Variants in NRG3 observed in about 807,000 individuals in gnomAD.
The protein encoded by NRG3 is pro-neuregulin-3, membrane-bound isoform.
In NRG3, 31 loss-of-function variants were observed where a neutral mutation model predicts 66.9. The observed-to-expected ratio is 0.46, with a 90% CI of 0.35 to 0.63. The LOEUF (loss-of-function observed/expected upper bound fraction) is 0.63. Ranked by LOEUF, NRG3 falls within the 20% of genes least tolerant of loss-of-function variation. NRG3 has a pLI of 0.00. For missense variants in NRG3, 910 were observed against 878.9 expected (o/e 1.04, Z -0.45); for synonymous variants, 393 against 359.4 (o/e 1.09, Z -1.06).
At chr10:82,622,646 C>T (rs1426734894) in intron 2 of NRG3, among the ~76,000 whole-genome samples, 1 of 152,170 alleles carries the variant, frequency 6.6e-6, no homozygotes, top group South Asian at 2.1e-4. Flanking sequence ...AGGATACTCT[C>T]ATGATGCTGG....
chr10:82,307,943 C>A (rs931113751), intron 1 of NRG3, among the ~76,000 whole-genome samples: 3 of 151,876 alleles, frequency 2.0e-5, no homozygotes, highest in African/African-American at 4.8e-5. Flanking sequence ...GAATTCTTAG[C>A]TAAACATTTG....
intron 1 of NRG3, among the ~76,000 whole-genome samples, chr10:81,951,759 A>G (rs1849375863): frequency 6.6e-6 from 1 of 152,234 alleles, no homozygotes; most frequent in Non-Finnish European, 1.5e-5. Flanking sequence ...CAGGTCAGCA[A>G]TCCCATTACT....
intron 2 of NRG3, among the ~76,000 whole-genome samples, chr10:82,552,583 A>T (rs1827957714): frequency 6.6e-6 from 1 of 152,148 alleles, no homozygotes; most frequent in Admixed American, 6.5e-5. Context: ...TGAAACACAA[A>T]ACATTTCAGT....
intron 1 of NRG3, among the ~76,000 whole-genome samples, chr10:82,004,873 T>C (rs745497705): frequency 1.3e-5 from 2 of 152,200 alleles, no homozygotes; most frequent in Non-Finnish European, 2.9e-5. Flanking sequence ...GCTTACAACT[T>C]GATCTTGGAC....
intron 2 of NRG3, among the ~76,000 whole-genome samples, chr10:82,509,744 G>C (rs1162558398): frequency 6.6e-6 from 1 of 152,090 alleles, no homozygotes; most frequent in Non-Finnish European, 1.5e-5. Flanking sequence ...TTGAATTCCT[G>C]ACTGCATAAT....
intron 2 of NRG3, among the ~76,000 whole-genome samples, chr10:82,437,691 G>A (rs2090216053): frequency 6.6e-6 from 1 of 152,128 alleles, no homozygotes; most frequent in Admixed American, 6.5e-5. Context: ...TTTGGTCTTT[G>A]AGGTTGCTGA....
intron 2 of NRG3, among the ~76,000 whole-genome samples, chr10:82,502,041 GT>G (rs1355459475): frequency 6.6e-6 from 1 of 152,158 alleles, no homozygotes. Flanking sequence ...GAGATCCAGT[GT>G]CTTAAGTCAT....
At chr10:82,504,913 A>T (rs1844533376) in intron 2 of NRG3, among the ~76,000 whole-genome samples, 1 of 151,936 alleles carries the variant, frequency 6.6e-6, no homozygotes, top group South Asian at 2.1e-4. Context: ...CATTCCCATT[A>T]GATTAATGTT....
chr10:82,561,576 C>A (rs1468846082), intron 2 of NRG3, among the ~76,000 whole-genome samples: 4 of 152,156 alleles, frequency 2.6e-5, no homozygotes, highest in Non-Finnish European at 5.9e-5. Flanking sequence ...TCGCTTGAGC[C>A]TGTGAGGCAG....
intron 3 of NRG3, among the ~76,000 whole-genome samples, chr10:82,823,033 T>C (rs1029085759): frequency 1.3e-5 from 2 of 152,186 alleles, no homozygotes; most frequent in African/African-American, 2.4e-5. Flanking sequence ...TATTCCCCTT[T>C]TACTTTTCCT....
chr10:81,933,130 A>G (rs1309515291), intron 1 of NRG3, among the ~76,000 whole-genome samples: 5 of 151,778 alleles, frequency 3.3e-5, no homozygotes, highest in African/African-American at 1.2e-4. Context: ...AAAAAAGAAA[A>G]GAAAAAAAGA....
chr10:82,772,704 C>CTTTTT (rs745609399), intron 3 of NRG3, among the ~76,000 whole-genome samples: 32 of 111,672 alleles, frequency 2.9e-4, no homozygotes, highest in East Asian at 5.1e-4. Context: ...GCTTCCATAT[C>CTTTTT]TTTTTTTTTT....
chr10:82,190,456 T>C (rs1380439008), intron 1 of NRG3, among the ~76,000 whole-genome samples: 1 of 152,220 alleles, frequency 6.6e-6, no homozygotes, highest in Non-Finnish European at 1.5e-5. Flanking sequence ...AAAGTTGATA[T>C]CAATTCTATT....
Position 81,929,180 on chromosome 10 carries a change from C to T in NRG3, c.823+53017C>T, listed in dbSNP as rs145206241. Among the ~76,000 whole-genome samples the T allele has an allele frequency of 3.1e-3, 464 of 152,078 alleles. 3 individuals are homozygous for T. The highest frequency in any genetic ancestry group is 0.01 in the African/African-American group (433 of 41,494). On this transcript the variant is annotated intron_variant, in intron 1 of 8. Coordinates refer to ENST00000372141, the MANE Select transcript of NRG3 (RefSeq NM_001010848.4). ...TCAAGCAGAGTGGCCTACGTCATGA[C>T]ATGGAAAATTTAGTCAATTATGGTG...
At chr10:81,952,302 GTTTAGTTCTTCC>G (rs1849442810) in intron 1 of NRG3, among the ~76,000 whole-genome samples, 1 of 152,078 alleles carries the variant, frequency 6.6e-6, no homozygotes, top group African/African-American at 2.4e-5. Flanking sequence ...CAAACACAAA[GTTTAGTTCTTCC>G]TTTTCCTTTC....
intron 1 of NRG3, among the ~76,000 whole-genome samples, chr10:82,348,896 C>G (rs1424849395): frequency 1.4e-5 from 2 of 147,490 alleles, no homozygotes; most frequent in Non-Finnish European, 3.0e-5. Flanking sequence ...ACGTAGTTCT[C>G]GAGCCTTGGT....
intron 5 of NRG3, among the ~76,000 whole-genome samples, chr10:82,958,092 T>C (rs1850247822): frequency 6.6e-6 from 1 of 152,198 alleles, no homozygotes; most frequent in Non-Finnish European, 1.5e-5. Flanking sequence ...TTACTTGAAG[T>C]CCAGAACCCT....
intron 1 of NRG3, among the ~76,000 whole-genome samples, chr10:82,116,717 G>A (rs966908279): frequency 8.6e-5 from 13 of 152,028 alleles, no homozygotes; most frequent in African/African-American, 3.1e-4. Context: ...ATGGTCCATG[G>A]CAGGACGCCC....
In NRG3 at chr10:82,289,422, G is replaced by A. The variant is rs568653886; in HGVS notation, c.824-69317G>A. On this transcript the variant is annotated intron_variant, in intron 1 of 8. Transcript: ENST00000372141. Reference sequence around the variant, plus strand: ...GAGCAAAGTAATTGCACCATGGTTAGAATACTCAGTATATAAACAAGAATT... The same window carrying A: ...GAGCAAAGTAATTGCACCATGGTTAAAATACTCAGTATATAAACAAGAATT... Among the ~76,000 whole-genome samples the A allele has an allele frequency of 8.7e-4, 130 of 149,524 alleles. 1 individual carries two copies. The highest frequency in any genetic ancestry group is 2.8e-3 in the African/African-American group (118 of 41,410).
Sources: gnomAD v4.1 joint callset for allele counts (sites outside exome capture counted in the v4.1 genomes callset) on GRCh38, gnomAD v4.1.1 for gene constraint, MANE v1.5 for transcripts, NCBI Gene and HGNC (gene_info 2026-07-23, HGNC 2026-07-21) for gene names.